Variants in CMIP observed in about 807,000 individuals in gnomAD.
The protein encoded by CMIP is C-Maf-inducing protein.
A neutral mutation model predicts 97.3 loss-of-function variants in CMIP; 13 were observed. The ratio of observed to expected loss-of-function variants is 0.13; its 90% CI spans 0.09 to 0.21. CMIP has a LOEUF of 0.21. CMIP is among the 10% of genes least tolerant of loss of function. CMIP has a pLI of 1.00. For missense variants in CMIP, 847 were observed against 1,024.9 expected (o/e 0.83, Z 2.37); for synonymous variants, 538 against 436.3 (o/e 1.23, Z -2.91).
chr16:81,694,769 C>G (rs1338186524), intron 13 of CMIP, among the ~76,000 whole-genome samples: 2 of 152,154 alleles, frequency 1.3e-5, no homozygotes, highest in African/African-American at 4.8e-5. Context: ...GTCTCCAGGC[C>G]ACACTGAAAA....
intron 13 of CMIP, 98 bp from the exon 14 acceptor site, chr16:81,696,462 A>T: frequency 8.3e-7 from 1 of 1,206,370 alleles, no homozygotes; most frequent in Non-Finnish European, 1.2e-6. Context: ...TGACTGCAGG[A>T]CTTGCCTGAG....
intron 1 of CMIP, among the ~76,000 whole-genome samples, chr16:81,545,636 C>T (rs2090531828): frequency 6.6e-6 from 1 of 152,114 alleles, no homozygotes; most frequent in Non-Finnish European, 1.5e-5. Flanking sequence ...CGGGGCGGAC[C>T]TGCGATGCTC....
intron 1 of CMIP, among the ~76,000 whole-genome samples, chr16:81,563,217 A>G (rs547727326): frequency 2.3e-4 from 35 of 152,374 alleles, no homozygotes; most frequent in South Asian, 2.1e-3. Context: ...CTGATGGCAG[A>G]CACAGAGGAA....
At position 81,595,825 on chromosome 16, in the gene CMIP, T is replaced by C. The variant is rs566022709; in HGVS notation, c.301-11742T>C. On this transcript the variant is annotated intron_variant, in intron 1 of 20. Transcript: ENST00000537098. The stretch of plus-strand genomic sequence containing the variant: ...TACTGTTTCCATGTTTTGGTTCTTA[T>C]GAGTCATTTTGCTTTGAATACTTGT... Among the ~76,000 whole-genome samples the C allele has an allele frequency of 4.7e-4, 72 of 152,360 alleles. 1 individual carries two copies. The South Asian group carries it at 0.014, about 29-fold the overall frequency.
At position 81,710,734 on chromosome 16, in the gene CMIP, C is replaced by T. The variant is rs1908673792; in HGVS notation, c.*935C>T. Reference sequence around the variant, plus strand: ...GAGGAGGGATTAAGATCCCCTTGCTCCACTAAGGCCCAAGCTCTTTCTCTC... The same window carrying T: ...GAGGAGGGATTAAGATCCCCTTGCTTCACTAAGGCCCAAGCTCTTTCTCTC... On this transcript the variant is annotated 3_prime_UTR_variant, in exon 21 of 21. Transcript: ENST00000537098. 1 of 152,036 alleles carries T rather than the reference C, an allele frequency of 6.6e-6. No individual in the cohort carries two copies. Among genetic ancestry groups the T allele is most frequent in the East Asian group, 1.9e-4 (1 of 5,170 alleles). The allele number at this position is 152,036 out of a possible 1,614,324, so 9.4% of individuals were successfully genotyped here.
intron 7 of CMIP, among the ~76,000 whole-genome samples, chr16:81,667,799 A>AGAGAGGGT: frequency 1.7e-5 from 1 of 58,096 alleles, no homozygotes; most frequent in Admixed American, 2.1e-4. Flanking sequence ...AGAGAGAGAG[A>AGAGAGGGT]GTGTGTGTGT....
chr16:81,696,444 G>A lies in CMIP; in HGVS notation c.1531-116G>A, dbSNP rs566889660. 6.5e-4 allele frequency: 633 copies of A among 980,068 alleles called. 1 individual carries two copies. Among genetic ancestry groups the A allele is most frequent in the Non-Finnish European group, 8.9e-4 (575 of 647,256 alleles). The allele number at this position is 980,068 out of a possible 1,614,324, so 60.7% of individuals were successfully genotyped here. ...GTTGCTGGAGGAAACAAAGTTAAGCGGGTTTCTTGACTGCAGGACTTGCCT... is the reference window on the plus strand; with the variant it reads ...GTTGCTGGAGGAAACAAAGTTAAGCAGGTTTCTTGACTGCAGGACTTGCCT... On this transcript the variant is annotated intron_variant, in intron 13 of 20. Coordinates refer to ENST00000537098, the MANE Select transcript of CMIP (RefSeq NM_198390.3).
rs1460124052 is a variant in CMIP, at chr16:81,691,853, T to C, written c.1454+13T>C. ...CATTCCCCAAAGAGTAAGTCCCGTG[T>C]GCATCCCCGGAGCCCTCCCACCTGT... On this transcript the variant is annotated intron_variant, in intron 11 of 20. Transcript: ENST00000537098. 6.2e-7 allele frequency: 1 copy of C among 1,611,790 alleles called. No individual in the cohort carries two copies. The highest frequency in any genetic ancestry group is 1.1e-5 in the South Asian group (1 of 90,962).
intron 1 of CMIP, among the ~76,000 whole-genome samples, chr16:81,544,081 A>G (rs1179851910): frequency 6.6e-6 from 1 of 152,218 alleles, no homozygotes; most frequent in East Asian, 1.9e-4. Flanking sequence ...TCAGCCCAGA[A>G]GAGGGGAAAG....
chr16:81,489,232 G>C (rs1260915052), intron 1 of CMIP, among the ~76,000 whole-genome samples: 1 of 152,168 alleles, frequency 6.6e-6, no homozygotes, highest in Non-Finnish European at 1.5e-5. Context: ...GCACTCAGAG[G>C]CTGACTTGAG....
Position 81,613,314 on chromosome 16 carries a change from A to C in CMIP, c.426+5622A>C, listed in dbSNP as rs2091861931. The stretch of plus-strand genomic sequence containing the variant: ...CGGATGTCCCAACCCAAGTCCTGGG[A>C]ATCCAGAGGAGCTCAGATGCATTGC... On this transcript the variant is annotated intron_variant, in intron 2 of 20. Coordinates refer to ENST00000537098, the MANE Select transcript of CMIP (RefSeq NM_198390.3). 2.1e-5 allele frequency among the ~76,000 whole-genome samples: 3 copies of C among 146,194 alleles called. No individual in the cohort carries two copies. In the East Asian group the frequency reaches 6.1e-4, roughly 30 times the overall value.
At chr16:81,653,938 T>C (rs35748010) in intron 4 of CMIP, among the ~76,000 whole-genome samples, 65,561 of 152,006 alleles carry the variant, frequency 0.43, 14,861 homozygotes, top group Middle Eastern at 0.65. Flanking sequence ...CTGTCTTCAC[T>C]TCACAGATGA....
chr16:81,641,572 T>G (rs552398046), intron 3 of CMIP, among the ~76,000 whole-genome samples: 1 of 152,268 alleles, frequency 6.6e-6, no homozygotes, highest in South Asian at 2.1e-4. Flanking sequence ...CGTGGTTACC[T>G]AGGCAACCAG....
chr16:81,623,685 C>T (rs374733843), intron 3 of CMIP, among the ~76,000 whole-genome samples: 4 of 152,082 alleles, frequency 2.6e-5, no homozygotes, highest in Admixed American at 6.5e-5. Context: ...GGCAAAGAAA[C>T]GTAAGGTGTT....
At chr16:81,643,183 C>T (rs1422281933) in intron 3 of CMIP, among the ~76,000 whole-genome samples, 1 of 152,208 alleles carries the variant, frequency 6.6e-6, no homozygotes, top group Non-Finnish European at 1.5e-5. Flanking sequence ...GGAAGTGAGG[C>T]ATGTGGGTGA....
At chr16:81,449,997 G>A in intron 1 of CMIP, among the ~76,000 whole-genome samples, 1 of 152,278 alleles carries the variant, frequency 6.6e-6, no homozygotes, top group East Asian at 1.9e-4. Context: ...GTGGGTGACA[G>A]AGGTGGCAGT....
At chr16:81,581,830 G>C (rs2091301031) in intron 1 of CMIP, among the ~76,000 whole-genome samples, 1 of 152,180 alleles carries the variant, frequency 6.6e-6, no homozygotes, top group African/African-American at 2.4e-5. Context: ...GAACCCTTTA[G>C]TCCCTGCTCT....
chr16:81,642,502 T>C (rs1597184551), intron 3 of CMIP, among the ~76,000 whole-genome samples: 2 of 152,288 alleles, frequency 1.3e-5, no homozygotes, highest in South Asian at 2.1e-4. Context: ...CCCTGTGCTG[T>C]CCTGTGGCAA....
intron 3 of CMIP, among the ~76,000 whole-genome samples, chr16:81,624,327 C>T (rs1449929969): frequency 7.2e-5 from 11 of 152,092 alleles, no homozygotes; most frequent in South Asian, 2.1e-4. Flanking sequence ...TGTCATTTAA[C>T]GTTAGGTATA....
Sources: gnomAD v4.1 joint callset for allele counts (sites outside exome capture counted in the v4.1 genomes callset) on GRCh38, gnomAD v4.1.1 for gene constraint, MANE v1.5 for transcripts, NCBI Gene and HGNC (gene_info 2026-07-23, HGNC 2026-07-21) for gene names.